The following PLA2G4C variants were observed in gnomAD, a reference collection of about 807,000 sequenced individuals.
The protein encoded by PLA2G4C is phospholipase A2 group IVC.
In PLA2G4C, 64 loss-of-function variants were observed where a neutral mutation model predicts 73.8. The observed-to-expected ratio is 0.87, with a 90% CI of 0.71 to 1.07. PLA2G4C has a LOEUF of 1.07. Ranked by LOEUF, PLA2G4C falls within the 50% of genes least tolerant of loss-of-function variation. PLA2G4C has a pLI of 0.00. For synonymous variants in PLA2G4C, 254 were observed against 252.1 expected, an observed-to-expected ratio of 1.01 and a Z score of -0.07; for missense variants, 622 against 665.4, an observed-to-expected ratio of 0.93 and a Z score of 0.72.
At chr19:48,093,728 A>C (rs576803693) in intron 7 of PLA2G4C, among the ~76,000 whole-genome samples, 29 of 152,202 alleles carry the variant, frequency 1.9e-4, no homozygotes, top group Non-Finnish European at 4.1e-4. Context: ...GATATGGTTA[A>C]GCTTTATGTC....
At chr19:48,062,840 A>G (rs1267514640) in intron 13 of PLA2G4C, among the ~76,000 whole-genome samples, 1 of 152,132 alleles carries the variant, frequency 6.6e-6, no homozygotes, top group East Asian at 1.9e-4. Context: ...TATTTTGCCA[A>G]GGTTAAGGAT....
At position 48,048,385 on chromosome 19, in the gene PLA2G4C, G is replaced by T; in HGVS notation, c.1584C>A (p.Leu528=). ...TTCGGGCACTATCCTTCGGGTAGTA[G>T]AGCCTGGGGAGAAAGGAAAGTTAGA... ...ILRELMNVAG[L]YYPKDSARSC... Residue 528 remains leucine (L), a synonymous_variant, in exon 17 of 17, where the codon CTC becomes CTA. Coordinates refer to ENST00000599921, the MANE Select transcript of PLA2G4C (RefSeq NM_003706.3). The T allele has an allele frequency of 6.3e-7, 1 of 1,586,740 alleles. No individual in the cohort carries two copies. Among genetic ancestry groups the T allele is most frequent in the Non-Finnish European group, 8.5e-7 (1 of 1,170,506 alleles).
intron 10 of PLA2G4C, among the ~76,000 whole-genome samples, chr19:48,079,892 C>T (rs1432074657): frequency 1.1e-4 from 17 of 152,110 alleles, no homozygotes; most frequent in African/African-American, 4.1e-4. Context: ...GTCTGGGAGG[C>T]GGAGATTGCA....
intron 7 of PLA2G4C, among the ~76,000 whole-genome samples, chr19:48,091,851 T>C (rs2031314569): frequency 8.2e-6 from 1 of 121,660 alleles, no homozygotes; most frequent in Non-Finnish European, 1.6e-5. Flanking sequence ...ACAACTGCAC[T>C]CCAGCCTGGG....
At chr19:48,062,306 C>T in intron 13 of PLA2G4C, 154 bp from the exon 14 acceptor site, 2 of 604,974 alleles carry the variant, frequency 3.3e-6, no homozygotes, top group Non-Finnish European at 5.5e-6. Context: ...CTCTCTCTTC[C>T]CAGATTCATA....
chr19:48,105,202 TC>T, intron 3 of PLA2G4C, 130 bp downstream of exon 3: 1 of 620,964 alleles, frequency 1.6e-6, no homozygotes, highest in African/African-American at 1.9e-5. Context: ...GAAGTTCATA[TC>T]CTTCTATTTC....
chr19:48,088,357 T>C (rs1187192604), intron 9 of PLA2G4C, among the ~76,000 whole-genome samples: 1 of 139,386 alleles, frequency 7.2e-6, no homozygotes, highest in Non-Finnish European at 1.6e-5. Context: ...TAAAGTCACA[T>C]CCTTAAGCGG....
chr19:48,100,737 G>A (rs952114601), intron 4 of PLA2G4C, among the ~76,000 whole-genome samples: 33 of 146,128 alleles, frequency 2.3e-4, no homozygotes, highest in African/African-American at 8.0e-4. Context: ...GTGAAACCCC[G>A]TCTCTACTAA....
chr19:48,049,038 C>T lies in PLA2G4C; in HGVS notation c.1581-650G>A, dbSNP rs188596733. On this transcript the variant is annotated intron_variant, in intron 16 of 16. Transcript: ENST00000599921. ...TCTTGCTCTCTCTCACCATGTAACACGCCAGCCCCCCTTCCCCTTCCACCA... is the reference window on the plus strand; with the variant it reads ...TCTTGCTCTCTCTCACCATGTAACATGCCAGCCCCCCTTCCCCTTCCACCA... 9.9e-5 allele frequency among the ~76,000 whole-genome samples: 15 copies of T among 152,258 alleles called. No homozygotes were observed. The East Asian group carries it at 2.5e-3, about 25-fold the overall frequency.
In PLA2G4C at chr19:48,105,955, T is replaced by C. The variant is rs868073389; in HGVS notation, c.9-511A>G. On this transcript the variant is annotated intron_variant, in intron 2 of 16. Transcript: ENST00000599921. ...CCTCCCTCCCTCCCTCCCTTCTTTC[T>C]TTCTTTCTTTCTTTCTTTCTTTCTT... Among the ~76,000 whole-genome samples the C allele has an allele frequency of 1.7e-3, 77 of 44,660 alleles. 10 individuals are homozygous for C. Among genetic ancestry groups the C allele is most frequent in the East Asian group, 2.1e-3 (2 of 944 alleles). The allele number at this position is 44,660 out of a possible 152,430, so 29.3% of individuals were successfully genotyped here.
intron 16 of PLA2G4C, among the ~76,000 whole-genome samples, chr19:48,050,003 C>T (rs879390804): frequency 2.0e-5 from 3 of 152,174 alleles, no homozygotes; most frequent in Non-Finnish European, 2.9e-5. Context: ...CTCACTGCAA[C>T]CTCCACCTTC....
chr19:48,070,135 C>T (rs541481580), intron 12 of PLA2G4C, among the ~76,000 whole-genome samples: 1 of 152,238 alleles, frequency 6.6e-6, no homozygotes, highest in South Asian at 2.1e-4. Flanking sequence ...ACACCTATCC[C>T]TTATAGATTT....
intron 14 of PLA2G4C, chr19:48,061,452 C>G (rs563486365): frequency 1.3e-5 from 2 of 155,306 alleles, no homozygotes; most frequent in African/African-American, 4.8e-5. Flanking sequence ...ACAGAAGTTA[C>G]GCACATTGGA....
chr19:48,094,159 C>T (rs1360823766), intron 7 of PLA2G4C, among the ~76,000 whole-genome samples: 45 of 152,182 alleles, frequency 3.0e-4, no homozygotes, highest in Non-Finnish European at 1.9e-4. Context: ...CTTCACTTTT[C>T]ATCAGGTCCA....
At chr19:48,102,628 C>T (rs431293) in intron 4 of PLA2G4C, among the ~76,000 whole-genome samples, 2,996 of 152,242 alleles carry the variant, frequency 0.02, 109 homozygotes, top group African/African-American at 0.068. Flanking sequence ...TCTCAAACAG[C>T]CCTGTGAGAT....
rs552785381 is a variant in PLA2G4C at position 48,067,706 on chromosome 19, A to AT, written c.1102+84dup. On this transcript the variant is annotated intron_variant, in intron 13 of 16. Coordinates refer to ENST00000599921, the MANE Select transcript of PLA2G4C (RefSeq NM_003706.3). ...AGCTCTGGGGAAGGACCAGCCTGGG[A>AT]TTGTTTCAGGCCCACCCCCTTCCCC... The AT allele has an allele frequency of 4.9e-5, 44 of 898,132 alleles. No individual in the cohort carries two copies. The South Asian group carries it at 5.6e-4, about 11-fold the overall frequency. The allele number at this position is 898,132 out of a possible 1,614,324, so 55.6% of individuals were successfully genotyped here.
intron 10 of PLA2G4C, among the ~76,000 whole-genome samples, chr19:48,084,307 G>T (rs948291365): frequency 5.3e-5 from 8 of 151,920 alleles, no homozygotes; most frequent in Admixed American, 5.2e-4. Flanking sequence ...TGATCTGTCC[G>T]CCTGGGCCTC....
chr19:48,110,542 C>T lies in PLA2G4C; in HGVS notation c.-88G>A. 2.0e-6 allele frequency: 3 copies of T among 1,531,310 alleles called. No homozygotes were observed. The highest frequency in any genetic ancestry group is 2.0e-5 in the Admixed American group (1 of 49,962). 94.9% of individuals were successfully genotyped at this position (1,531,310 alleles called of 1,614,324 possible). A position where few individuals can be genotyped will look rare whatever the true frequency, so the allele number is the denominator to read the frequency against. On this transcript the variant is annotated 5_prime_UTR_variant, in exon 1 of 17. Coordinates refer to ENST00000599921, the MANE Select transcript of PLA2G4C (RefSeq NM_003706.3). Reference sequence around the variant, plus strand: ...CGCGGTGGAGCTTGTGCTCCGGAATCCGGTGCGGAGGCTTGGGCTCCCTGC... The same window carrying T: ...CGCGGTGGAGCTTGTGCTCCGGAATTCGGTGCGGAGGCTTGGGCTCCCTGC...
rs374191136 is a variant in PLA2G4C, at chr19:48,104,597, C to T, written c.248G>A (p.Gly83Glu). 2.5e-6 allele frequency: 4 copies of T among 1,613,964 alleles called. No homozygotes were observed. The highest frequency in any genetic ancestry group is 3.4e-6 in the Non-Finnish European group (4 of 1,179,934). The change falls in exon 4 of 17, where the codon GGA (glycine) becomes GAA (glutamate). Residue 83 changes from glycine (G) to glutamate (E), a missense_variant. Coordinates refer to ENST00000599921, the MANE Select transcript of PLA2G4C (RefSeq NM_003706.3). Reference sequence around the variant, plus strand: ...CATGAGTGATGCTTACCAAGTGGATCCAGAGACCCCTGCGAGGTACGTGAC... The same window carrying T: ...CATGAGTGATGCTTACCAAGTGGATTCAGAGACCCCTGCGAGGTACGTGAC... ...DAVTYLAGVSGSTWAISSLYT... is the reference protein window; with the variant it reads ...DAVTYLAGVSESTWAISSLYT...
Sources: gnomAD v4.1 joint callset for allele counts (sites outside exome capture counted in the v4.1 genomes callset) on GRCh38, gnomAD v4.1.1 for gene constraint, MANE v1.5 for transcripts, NCBI Gene and HGNC (gene_info 2026-07-23, HGNC 2026-07-21) for gene names.